The following LRRC75A variants were observed in gnomAD, a reference collection of about 807,000 sequenced individuals.
LRRC75A encodes the protein leucine-rich repeat-containing protein 75A.
LRRC75A carries 12 observed loss-of-function variants against 26.0 expected under a neutral mutation model. The observed-to-expected ratio is 0.46, with a 90% CI of 0.30 to 0.75. The LOEUF (loss-of-function observed/expected upper bound fraction) is 0.75. Among genes scored for constraint, LRRC75A ranks in the 30% least tolerant of loss-of-function variants. LRRC75A has a pLI of 0.08. For synonymous variants in LRRC75A, 223 were observed against 219.3 expected (o/e 1.02, Z -0.15); for missense variants, 410 against 486.6 (o/e 0.84, Z 1.48).
chr17:16,483,231 G>T (rs117663081), intron 1 of LRRC75A, among the ~76,000 whole-genome samples: 1 of 152,224 alleles, frequency 6.6e-6, no homozygotes, highest in East Asian at 1.9e-4. Flanking sequence ...AGGGCAGCTC[G>T]GGCCTCTGTG....
chr17:16,442,985 A>T lies in LRRC75A; in HGVS notation c.*603T>A, dbSNP rs1601049253. ...AAAGGATATAGCGATAGCTGGTCCT[A>T]TGGGCAGATGCCTAGAATCAAGGTG... On this transcript the variant is annotated 3_prime_UTR_variant, in exon 4 of 4. Coordinates refer to ENST00000470794, the MANE Select transcript of LRRC75A (RefSeq NM_001113567.3). The T allele has an allele frequency of 1.3e-5, 2 of 152,774 alleles. No homozygotes were observed. The highest frequency in any genetic ancestry group is 2.1e-4 in the South Asian group (1 of 4,850). The allele number at this position is 152,774 out of a possible 1,614,324, so 9.5% of individuals were successfully genotyped here. A position where few individuals can be genotyped will look rare whatever the true frequency, so the allele number is the denominator to read the frequency against.
At chr17:16,460,150 ACTGT>A (rs796430950) in intron 2 of LRRC75A, among the ~76,000 whole-genome samples, 4 of 152,234 alleles carry the variant, frequency 2.6e-5, no homozygotes, top group African/African-American at 9.6e-5. Flanking sequence ...CAGGAAGGTG[ACTGT>A]CTGTAACCCA....
chr17:16,458,848 T>A (rs948848489), intron 2 of LRRC75A, among the ~76,000 whole-genome samples: 2 of 152,120 alleles, frequency 1.3e-5, no homozygotes, highest in Non-Finnish European at 2.9e-5. Context: ...CTAAACTACC[T>A]ACTTAAGCGG....
chr17:16,480,522 G>A (rs1263279525), intron 1 of LRRC75A, among the ~76,000 whole-genome samples: 1 of 151,934 alleles, frequency 6.6e-6, no homozygotes, highest in Non-Finnish European at 1.5e-5. Context: ...CCAGCTACTC[G>A]GGAGGCTGAG....
intron 1 of LRRC75A, among the ~76,000 whole-genome samples, chr17:16,464,230 T>G (rs529513290): frequency 3.3e-5 from 5 of 151,232 alleles, no homozygotes; most frequent in African/African-American, 1.2e-4. Context: ...CTGAAAAAAT[T>G]TGCTGGGAAC....
chr17:16,443,451 T>A lies in LRRC75A; in HGVS notation c.*137A>T, dbSNP rs2093551363. The A allele has an allele frequency of 1.4e-6, 1 of 698,138 alleles. No individual in the cohort carries two copies. The highest frequency in any genetic ancestry group is 2.8e-5 in the East Asian group (1 of 36,000). The allele number at this position is 698,138 out of a possible 1,614,324, so 43.2% of individuals were successfully genotyped here. On this transcript the variant is annotated 3_prime_UTR_variant, in exon 4 of 4. Coordinates refer to ENST00000470794, the MANE Select transcript of LRRC75A (RefSeq NM_001113567.3). ...ATCCCCTTCCCCAGATGATATGGTT[T>A]GCCTTTCTGTAGGTGGGTGGCCCAG... is the stretch of plus-strand genomic sequence containing the variant.
chr17:16,459,568 G>A (rs2093711750), intron 2 of LRRC75A, among the ~76,000 whole-genome samples: 1 of 152,224 alleles, frequency 6.6e-6, no homozygotes. Flanking sequence ...GCCAGATGAG[G>A]AGTTTGGGTT....
Position 16,492,087 on chromosome 17 carries a change from G to C in LRRC75A, c.-97C>G. 9.7e-7 allele frequency: 1 copy of C among 1,026,070 alleles called. No individual in the cohort carries two copies. The highest frequency in any genetic ancestry group is 1.7e-5 in the African/African-American group (1 of 57,816). 63.6% of individuals were successfully genotyped at this position (1,026,070 alleles called of 1,614,324 possible). ...GCCGCCCGTGCGCGCTCGCCTCCCG[G>C]GCTGCAACTTTGGGGGAACTGTTGC... On this transcript the variant is annotated 5_prime_UTR_variant, in exon 1 of 4. Coordinates refer to ENST00000470794, the MANE Select transcript of LRRC75A (RefSeq NM_001113567.3).
At chr17:16,484,769 A>T (rs145751920) in intron 1 of LRRC75A, among the ~76,000 whole-genome samples, 1 of 152,182 alleles carries the variant, frequency 6.6e-6, no homozygotes, top group Non-Finnish European at 1.5e-5. Context: ...AGGGCCGAGC[A>T]GGAGCGAGGG....
chr17:16,449,971 C>A (rs767665683), intron 2 of LRRC75A, among the ~76,000 whole-genome samples: 1 of 152,126 alleles, frequency 6.6e-6, no homozygotes. Flanking sequence ...AGAAAGAAAA[C>A]GTGAGGCATC....
At chr17:16,444,573 C>T (rs921578702) in intron 3 of LRRC75A, among the ~76,000 whole-genome samples, 7 of 152,044 alleles carry the variant, frequency 4.6e-5, no homozygotes, top group Admixed American at 4.6e-4. Context: ...CTCTGAGTCC[C>T]CTCTTTCAAG....
At chr17:16,451,920 C>T (rs920039632) in intron 2 of LRRC75A, among the ~76,000 whole-genome samples, 143 of 105,272 alleles carry the variant, frequency 1.4e-3, no homozygotes, top group Non-Finnish European at 2.8e-3. Flanking sequence ...AATTTTTTTG[C>T]ATTTTTAGTA....
chr17:16,459,834 C>A (rs747087691), intron 2 of LRRC75A, among the ~76,000 whole-genome samples: 17 of 152,190 alleles, frequency 1.1e-4, no homozygotes, highest in Admixed American at 2.6e-4. Context: ...ATCCAGAGAG[C>A]CTCGCTTGCC....
chr17:16,484,483 C>T (rs72833976), intron 1 of LRRC75A, among the ~76,000 whole-genome samples: 9,637 of 152,242 alleles, frequency 0.063, 382 homozygotes, highest in East Asian at 0.14. Context: ...GCCCAAGGCA[C>T]GGCTGACACT....
At chr17:16,488,233 G>A (rs2093850889) in intron 1 of LRRC75A, among the ~76,000 whole-genome samples, 1 of 152,240 alleles carries the variant, frequency 6.6e-6, no homozygotes, top group African/African-American at 2.4e-5. Flanking sequence ...AGCCTGGAAG[G>A]ATGGCGGCCA....
intron 2 of LRRC75A, among the ~76,000 whole-genome samples, chr17:16,454,174 T>C (rs1012226059): frequency 1.6e-4 from 24 of 152,068 alleles, no homozygotes; most frequent in African/African-American, 5.3e-4. Flanking sequence ...GTGGATCACC[T>C]GAGGTCAGGA....
At chr17:16,474,722 C>T (rs1163696677) in intron 1 of LRRC75A, among the ~76,000 whole-genome samples, 8 of 152,032 alleles carry the variant, frequency 5.3e-5, no homozygotes, top group African/African-American at 7.3e-5. Context: ...AGGCCGGGCG[C>T]GGTGGCTCAC....
chr17:16,443,221 T>G lies in LRRC75A; in HGVS notation c.*367A>C. On this transcript the variant is annotated 3_prime_UTR_variant, in exon 4 of 4. Coordinates refer to ENST00000470794, the MANE Select transcript of LRRC75A (RefSeq NM_001113567.3). The stretch of plus-strand genomic sequence containing the variant: ...CAGTACATGTAGGGGCCCTACTGTA[T>G]TCTTTTTCTGGGGGAAAGCTCTTGG... 1 of 235,668 alleles carries G rather than the reference T, an allele frequency of 4.2e-6. No individual in the cohort carries two copies. Among genetic ancestry groups the G allele is most frequent in the Non-Finnish European group, 8.2e-6 (1 of 121,234 alleles). 14.6% of individuals were successfully genotyped at this position (235,668 alleles called of 1,614,324 possible).
At chr17:16,444,966 AG>A (rs1385671758) in intron 3 of LRRC75A, among the ~76,000 whole-genome samples, 1 of 149,652 alleles carries the variant, frequency 6.7e-6, no homozygotes, top group African/African-American at 2.5e-5. Context: ...CTCCTGCCTC[AG>A]CTTCCTGAGT....
Sources: gnomAD v4.1 joint callset for allele counts (sites outside exome capture counted in the v4.1 genomes callset) on GRCh38, gnomAD v4.1.1 for gene constraint, MANE v1.5 for transcripts, NCBI Gene and HGNC (gene_info 2026-07-23, HGNC 2026-07-21) for gene names.